Variants in ZMYM2 observed in about 807,000 individuals in gnomAD.
The protein encoded by ZMYM2 is zinc finger MYM-type containing 2.
In ZMYM2, 56 loss-of-function variants were observed where a neutral mutation model predicts 162.8. The ratio of observed to expected loss-of-function variants is 0.34; its 90% CI spans 0.28 to 0.43. ZMYM2 has a LOEUF of 0.43. Ranked by LOEUF, ZMYM2 falls within the 20% of genes least tolerant of loss-of-function variation. ZMYM2 has a pLI of 1.00. For missense variants in ZMYM2, 1,275 were observed against 1,621.8 expected (o/e 0.79, Z 3.67); for synonymous variants, 510 against 541.6 (o/e 0.94, Z 0.81).
chr13:19,931,019 G>A, the ZMYM2 span, among the ~76,000 whole-genome samples: 1 of 151,386 alleles, frequency 6.6e-6, no homozygotes, highest in Admixed American at 6.6e-5. Context: ...GGCGCCTGTA[G>A]TCCTAGCTAC....
At chr13:20,017,052 A>C (rs1566304993) in intron 6 of ZMYM2, among the ~76,000 whole-genome samples, 1 of 152,134 alleles carries the variant, frequency 6.6e-6, no homozygotes, top group Admixed American at 6.5e-5. Flanking sequence ...GTTCTGTTAC[A>C]TCAGTCTTGG....
In ZMYM2 at chr13:20,064,563, C is replaced by T. The variant is rs748111830; in HGVS notation, c.3132+18C>T. On this transcript the variant is annotated intron_variant, in intron 19 of 24. Coordinates refer to ENST00000610343, the MANE Select transcript of ZMYM2 (RefSeq NM_197968.4). The stretch of plus-strand genomic sequence containing the variant: ...AAAAAAAGGTACATTCACTTAATAG[C>T]CTATATAACAATATTTCTCTATAGG... 12 of 1,527,720 alleles carry T rather than the reference C, an allele frequency of 7.9e-6. No individual in the cohort carries two copies. Among genetic ancestry groups the T allele is most frequent in the Non-Finnish European group, 1.1e-5 (12 of 1,133,406 alleles). The allele number at this position is 1,527,720 out of a possible 1,614,324, so 94.6% of individuals were successfully genotyped here. A position where few individuals can be genotyped will look rare whatever the true frequency, so the allele number is the denominator to read the frequency against.
intron 2 of ZMYM2, among the ~76,000 whole-genome samples, chr13:19,976,925 G>T (rs1167871388): frequency 6.6e-6 from 1 of 151,978 alleles, no homozygotes; most frequent in Admixed American, 6.6e-5. Flanking sequence ...TTTAATTCTG[G>T]TAATTTTTGC....
chr13:20,032,599 C>CA (rs1953281218), intron 10 of ZMYM2, among the ~76,000 whole-genome samples: 2 of 66,040 alleles, frequency 3.0e-5, no homozygotes, highest in Non-Finnish European at 5.7e-5. Context: ...TTTTTTCTGT[C>CA]TTTTTTTTTT....
Position 20,003,011 on chromosome 13 carries a change from C to T in ZMYM2, c.1009C>T (p.Pro337Ser), listed in dbSNP as rs748814883. Residue 337 changes from proline (P) to serine (S), a missense_variant, in exon 4 of 25, where the codon CCT (proline) becomes TCT (serine). Physicochemically the swap from Pro to Ser is moderately conservative, Grantham distance 74. This residue lies in a region of ZMYM2 where 115 missense variants were observed against 175.3 expected (regional missense o/e 0.66). Transcript: ENST00000610343. ...AGTCACTTGTGCAAACTGCAAAAAA[C>T]CTTTACAGAAGGGCCAGACAGCTTA... The part of the protein sequence containing the change: ...VKVTCANCKK[P>S]LQKGQTAYQR... The T allele has an allele frequency of 1.2e-6, 2 of 1,614,166 alleles. No homozygotes were observed. Among genetic ancestry groups the T allele is most frequent in the Admixed American group, 3.3e-5 (2 of 60,004 alleles).
At chr13:19,983,395 C>T (rs1400549612) in intron 2 of ZMYM2, among the ~76,000 whole-genome samples, 2 of 152,102 alleles carry the variant, frequency 1.3e-5, no homozygotes, top group Non-Finnish European at 2.9e-5. Flanking sequence ...ATCCGCCTCC[C>T]TCGGCCTCCC....
chr13:20,063,824 A>AATACAATTTTAT, intron 18 of ZMYM2, among the ~76,000 whole-genome samples: 1 of 146,520 alleles, frequency 6.8e-6, no homozygotes, highest in Admixed American at 6.8e-5. Context: ...ATAATACATA[A>AATACAATTTTAT]ATATAATTTT....
intron 2 of ZMYM2, among the ~76,000 whole-genome samples, chr13:19,976,597 C>G (rs191112515): frequency 6.6e-6 from 1 of 152,256 alleles, no homozygotes; most frequent in East Asian, 1.9e-4. Context: ...CTGGTAACCA[C>G]CATTTTACTT....
intron 3 of ZMYM2, among the ~76,000 whole-genome samples, chr13:20,001,191 A>G (rs1210275564): frequency 6.6e-6 from 1 of 152,150 alleles, no homozygotes; most frequent in Non-Finnish European, 1.5e-5. Context: ...CAGGAGTTCA[A>G]GACCAGCCTG....
At chr13:19,872,137 G>A in the ZMYM2 span, among the ~76,000 whole-genome samples, 45 of 148,128 alleles carry the variant, frequency 3.0e-4, no homozygotes, top group Admixed American at 1.1e-3. Context: ...GTCTGGCTAA[G>A]TTCTTTTTTT....
intron 12 of ZMYM2, among the ~76,000 whole-genome samples, chr13:20,049,164 TG>T (rs1257730124): frequency 9.7e-6 from 1 of 102,740 alleles, no homozygotes; most frequent in Non-Finnish European, 2.0e-5. Context: ...TTATTAGTAT[TG>T]AGTTCTCACT....
intron 14 of ZMYM2, among the ~76,000 whole-genome samples, chr13:20,053,664 A>G (rs141442246): frequency 6.6e-6 from 1 of 152,122 alleles, no homozygotes; most frequent in Non-Finnish European, 1.5e-5. Flanking sequence ...ATTAACAACA[A>G]CAAAAAAAAG....
At chr13:20,011,581 T>TTTG (rs1358492817) in intron 6 of ZMYM2, among the ~76,000 whole-genome samples, 4 of 150,294 alleles carry the variant, frequency 2.7e-5, no homozygotes, top group South Asian at 4.2e-4. Flanking sequence ...TTGTTTTATT[T>TTTG]TTTTTTTTTT....
intron 21 of ZMYM2, among the ~76,000 whole-genome samples, chr13:20,072,300 G>A (rs539554913): frequency 4.6e-5 from 7 of 152,152 alleles, no homozygotes; most frequent in Non-Finnish European, 8.8e-5. Context: ...CAGGTGGATC[G>A]CCTGAGGTTC....
the ZMYM2 span, among the ~76,000 whole-genome samples, chr13:19,875,500 C>T: frequency 2.0e-5 from 3 of 151,638 alleles, no homozygotes; most frequent in South Asian, 2.1e-4. Flanking sequence ...TGGAGGTGCG[C>T]GCCTATAGTG....
At chr13:19,926,360 A>ATT in the ZMYM2 span, among the ~76,000 whole-genome samples, 489 of 105,422 alleles carry the variant, frequency 4.6e-3, 10 homozygotes, top group Middle Eastern at 0.041. Flanking sequence ...AGGACTACTT[A>ATT]TTTTTTTTTT....
At chr13:20,062,535 A>G (rs151254458) in intron 17 of ZMYM2, among the ~76,000 whole-genome samples, 1 of 152,332 alleles carries the variant, frequency 6.6e-6, no homozygotes, top group Non-Finnish European at 1.5e-5. Flanking sequence ...TTTGACAAAA[A>G]GTTGCTTTTA....
At chr13:19,885,938 T>C in the ZMYM2 span, among the ~76,000 whole-genome samples, 129 of 79,134 alleles carry the variant, frequency 1.6e-3, 18 homozygotes, top group African/African-American at 2.8e-3. Context: ...TGTATACACA[T>C]ATATATGTAT....
At chr13:19,978,568 C>T (rs1156237085) in intron 2 of ZMYM2, among the ~76,000 whole-genome samples, 1 of 151,986 alleles carries the variant, frequency 6.6e-6, no homozygotes, top group Non-Finnish European at 1.5e-5. Flanking sequence ...AGGCATGTGC[C>T]ACCACGCCAG....
Sources: gnomAD v4.1 joint callset for allele counts (sites outside exome capture counted in the v4.1 genomes callset) on GRCh38, gnomAD v4.1.1 for gene constraint, gnomAD v4.1.1 regional missense constraint, MANE v1.5 for transcripts, NCBI Gene and HGNC (gene_info 2026-07-23, HGNC 2026-07-21) for gene names.